The following FHAD1 variants were observed in gnomAD, a reference collection of about 807,000 sequenced individuals.
FHAD1 encodes the protein forkhead-associated domain-containing protein 1.
Under a neutral mutation model 191.3 loss-of-function variants are expected in FHAD1, and 146 were observed. The ratio of observed to expected loss-of-function variants is 0.76; its 90% CI spans 0.67 to 0.88. The LOEUF is 0.88. Ranked by LOEUF, FHAD1 falls within the 40% of genes least tolerant of loss-of-function variation. FHAD1 has a pLI of 0.00. For synonymous variants in FHAD1, 616 were observed against 672.3 expected (o/e 0.92, Z 1.29); for missense variants, 1,635 against 1,785.8 (o/e 0.92, Z 1.52).
chr1:15,359,011 G>T (rs1693766682), intron 21 of FHAD1, among the ~76,000 whole-genome samples: 1 of 152,092 alleles, frequency 6.6e-6, no homozygotes, highest in Admixed American at 6.5e-5. Flanking sequence ...CTTGATAACT[G>T]CTGGCAGGAC....
intron 14 of FHAD1, among the ~76,000 whole-genome samples, chr1:15,335,927 G>C (rs1255068079): frequency 2.6e-5 from 4 of 151,948 alleles, no homozygotes; most frequent in Non-Finnish European, 4.4e-5. Context: ...TGATTCCTGG[G>C]TCACACGTTG....
chr1:15,402,598 T>C (rs1707152309), downstream of FHAD1, among the ~76,000 whole-genome samples: 1 of 152,208 alleles, frequency 6.6e-6, no homozygotes, highest in Non-Finnish European at 1.5e-5. Context: ...AACTACTTTG[T>C]ATAGAGTACT....
chr1:15,261,094 G>A (rs1043601400), intron 2 of FHAD1, among the ~76,000 whole-genome samples: 1 of 152,236 alleles, frequency 6.6e-6, no homozygotes, highest in Non-Finnish European at 1.5e-5. Flanking sequence ...GATGAGCCAA[G>A]AGGATGATGC....
downstream of FHAD1, among the ~76,000 whole-genome samples, chr1:15,401,410 A>C (rs780657836): frequency 6.6e-6 from 1 of 152,208 alleles, no homozygotes; most frequent in Non-Finnish European, 1.5e-5. Context: ...GTTGCACCAC[A>C]GTACAGTGAG....
intron 16 of FHAD1, among the ~76,000 whole-genome samples, chr1:15,342,769 C>T (rs1272982940): frequency 6.6e-6 from 1 of 152,116 alleles, no homozygotes; most frequent in Admixed American, 6.5e-5. Flanking sequence ...CAGTGGTCCT[C>T]CCACCTCAGC....
At chr1:15,360,875 A>G (rs916298185) in intron 22 of FHAD1, among the ~76,000 whole-genome samples, 172 bp downstream of exon 22, 3 of 152,082 alleles carry the variant, frequency 2.0e-5, no homozygotes, top group Non-Finnish European at 4.4e-5. Context: ...AAGCCCTCCG[A>G]GGCCCAGGTT....
At chr1:15,372,289 G>GT (rs1698326321) in intron 26 of FHAD1, among the ~76,000 whole-genome samples, 1 of 152,188 alleles carries the variant, frequency 6.6e-6, no homozygotes, top group Non-Finnish European at 1.5e-5. Context: ...TGAACCCCTT[G>GT]TAGGAGGCCA....
At chr1:15,350,083 C>T (rs1229526200) in intron 19 of FHAD1, among the ~76,000 whole-genome samples, 1 of 152,230 alleles carries the variant, frequency 6.6e-6, no homozygotes, top group African/African-American at 2.4e-5. Context: ...GCTGATGGCT[C>T]AGTGAACGGT....
At chr1:15,389,624 AAAT>A (rs1209820141) in intron 32 of FHAD1, among the ~76,000 whole-genome samples, 3 of 152,088 alleles carry the variant, frequency 2.0e-5, no homozygotes, top group African/African-American at 7.3e-5. Flanking sequence ...ACTGTCAGCT[AAAT>A]ACAGGCCACG....
chr1:15,367,721 T>C, intron 25 of FHAD1, 99 bp downstream of exon 25: 1 of 944,028 alleles, frequency 1.1e-6, no homozygotes, highest in Non-Finnish European at 1.6e-6. Flanking sequence ...GCTTGAGGAG[T>C]TGAATGAATG....
intron 2 of FHAD1, 134 bp downstream of exon 2, chr1:15,252,011 T>G: frequency 1.3e-6 from 1 of 749,166 alleles, no homozygotes. Flanking sequence ...CTTTCCTTGG[T>G]GTGCTACCAA....
intron 24 of FHAD1, 82 bp downstream of exon 24, chr1:15,366,015 C>A: frequency 2.1e-6 from 2 of 946,638 alleles, no homozygotes; most frequent in Non-Finnish European, 1.6e-6. Flanking sequence ...CGGCCGGGCG[C>A]AGTGGCGCAC....
At chr1:15,270,171 A>G (rs1655306257) in intron 2 of FHAD1, among the ~76,000 whole-genome samples, 1 of 152,180 alleles carries the variant, frequency 6.6e-6, no homozygotes, top group Non-Finnish European at 1.5e-5. Context: ...CTGGCCTCCC[A>G]AAGTGCTGGG....
Position 15,272,321 on chromosome 1 carries a change from A to G in FHAD1, c.94-2A>G, listed in dbSNP as rs1476217391. 1.3e-6 allele frequency: 2 copies of G among 1,547,222 alleles called. No homozygotes were observed. The highest frequency in any genetic ancestry group is 1.7e-6 in the Non-Finnish European group (2 of 1,143,182). On this transcript the variant is annotated splice_acceptor_variant, in intron 2 of 33. Coordinates refer to ENST00000688493, the MANE Select transcript of FHAD1 (RefSeq NM_001391957.1). LOFTEE classifies it high-confidence loss of function. Reference sequence around the variant, plus strand: ...TACGACTGTCCTCCTTCTCCGTTGCAGTCTCCTGACATCGACAACCACCAT... The same window carrying G: ...TACGACTGTCCTCCTTCTCCGTTGCGGTCTCCTGACATCGACAACCACCAT...
At chr1:15,351,339 C>T (rs1024144721) in intron 19 of FHAD1, among the ~76,000 whole-genome samples, 2 of 151,872 alleles carry the variant, frequency 1.3e-5, no homozygotes, top group South Asian at 4.2e-4. Context: ...AGTGAGACTC[C>T]ATCTCAAAAA....
chr1:15,329,490 G>A lies in FHAD1; in HGVS notation c.1855G>A (p.Val619Met), dbSNP rs1680339832. 6.4e-7 allele frequency: 1 copy of A among 1,551,100 alleles called. No individual in the cohort carries two copies. The change falls in exon 14 of 34, where the codon GTG becomes ATG. Residue 619 changes from valine (V) to methionine (M), a missense_variant. Coordinates refer to ENST00000688493, the MANE Select transcript of FHAD1 (RefSeq NM_001391957.1). The surrounding 1 kb of genome is among the most constrained non-coding windows in gnomAD (Gnocchi z 5.0). ...LRHALSWLEE[V>M]EQLLRDLGIL... ...GCACGCGCTGTCCTGGCTGGAGGAG[G>A]TGGAGCAGCTCCTCCGGGACCTCGG...
At chr1:15,249,625 G>A (rs1486719351) in intron 1 of FHAD1, among the ~76,000 whole-genome samples, 2 of 152,112 alleles carry the variant, frequency 1.3e-5, no homozygotes, top group African/African-American at 4.8e-5. Context: ...AAACTATCTG[G>A]CTTGTTTTTA....
intron 1 of FHAD1, among the ~76,000 whole-genome samples, chr1:15,237,556 A>G (rs1644913862): frequency 6.6e-6 from 1 of 152,108 alleles, no homozygotes; most frequent in South Asian, 2.1e-4. Context: ...GCCCCTGGTG[A>G]GCACTCGGCC....
chr1:15,272,584 C>T (rs764496026), intron 3 of FHAD1, 55 bp downstream of exon 3: 66 of 1,471,100 alleles, frequency 4.5e-5, no homozygotes, highest in Admixed American at 6.1e-5. Context: ...TGCAGCCCGG[C>T]GCTCGGATGC....
Sources: gnomAD v4.1 joint callset for allele counts (sites outside exome capture counted in the v4.1 genomes callset) on GRCh38, gnomAD v4.1.1 for gene constraint, Gnocchi (gnomAD v3.1) non-coding constraint, MANE v1.5 for transcripts, NCBI Gene and HGNC (gene_info 2026-07-23, HGNC 2026-07-21) for gene names.